Variants in HPS1 observed in about 807,000 individuals in gnomAD.
HPS1 encodes the protein HPS1 biogenesis of lysosomal organelles complex 3 subunit 1.
In HPS1, 59 loss-of-function variants were observed where a neutral mutation model predicts 90.6. The ratio of observed to expected loss-of-function variants is 0.65; its 90% CI spans 0.53 to 0.81. HPS1 has a LOEUF of 0.81. Ranked by LOEUF, HPS1 falls within the 30% of genes least tolerant of loss-of-function variation. The pLI, the probability that HPS1 is intolerant of heterozygous loss-of-function variation, is 0.00. For missense variants in HPS1, 849 were observed against 896.7 expected (o/e 0.95, Z 0.68); for synonymous variants, 388 against 384.4 (o/e 1.01, Z -0.11).
intron 3 of HPS1, among the ~76,000 whole-genome samples, chr10:98,440,387 T>C (rs955964710): frequency 6.6e-6 from 1 of 152,174 alleles, no homozygotes; most frequent in Admixed American, 6.5e-5. Context: ...GCAATATTTA[T>C]GTCCATATGA....
At chr10:98,429,751 C>T in intron 9 of HPS1, 40 bp downstream of exon 9, 2 of 1,613,184 alleles carry the variant, frequency 1.2e-6, no homozygotes, top group Admixed American at 3.3e-5. Context: ...AGAGGCCGAT[C>T]CCCTCCTGCC....
Position 98,435,521 on chromosome 10 carries a change from A to G in HPS1, c.256-107T>C, listed in dbSNP as rs1379856395. 7 of 1,609,150 alleles carry G rather than the reference A, an allele frequency of 4.4e-6. No individual in the cohort carries two copies. The highest frequency in any genetic ancestry group is 8.5e-7 in the Non-Finnish European group (1 of 1,176,066). The stretch of plus-strand genomic sequence containing the variant: ...GAGGCTCGGGTCCCAGGCGGGTTTG[A>G]TAAGATGCCGTTTCTGCCTTCTAAA... On this transcript the variant is annotated intron_variant, in intron 4 of 19. Transcript: ENST00000361490. This position sits in a 1 kb window ranked among gnomAD's most constrained non-coding sequence, Gnocchi z 4.3.
chr10:98,423,386 A>G (rs562846129), intron 16 of HPS1, among the ~76,000 whole-genome samples: 1 of 149,834 alleles, frequency 6.7e-6, no homozygotes, highest in South Asian at 2.2e-4. Context: ...ACTTTGGGAC[A>G]GGAGGAATTC....
chr10:98,433,427 G>A (rs1407847331), intron 6 of HPS1, among the ~76,000 whole-genome samples: 2 of 152,140 alleles, frequency 1.3e-5, no homozygotes, highest in African/African-American at 2.4e-5. Flanking sequence ...GAGTGCTACT[G>A]ACCAGCAGCC....
At position 98,417,945 on chromosome 10, in the gene HPS1, G is replaced by A. The variant is rs530319863; in HGVS notation, c.1941-219C>T. Among the ~76,000 whole-genome samples the A allele has an allele frequency of 2.6e-4, 39 of 152,282 alleles. No individual in the cohort carries two copies. The highest frequency in any genetic ancestry group is 8.4e-4 in the African/African-American group (35 of 41,562). ...GGGATGTTCTGGGCCGGGCACAGAC[G>A]TTCCCCGTGCTGCCAAGACCATGCC... On this transcript the variant is annotated intron_variant, in intron 19 of 19. Coordinates refer to ENST00000361490, the MANE Select transcript of HPS1 (RefSeq NM_000195.5). The surrounding 1 kb of genome is among the most constrained non-coding windows in gnomAD (Gnocchi z 4.2).
rs543769746 is a variant in HPS1, at chr10:98,417,800, C to T, written c.1941-74G>A. The T allele has an allele frequency of 4.4e-5, 63 of 1,421,152 alleles. No individual in the cohort carries two copies. Among genetic ancestry groups the T allele is most frequent in the Non-Finnish European group, 5.9e-5 (60 of 1,010,058 alleles). 88.0% of individuals were successfully genotyped at this position (1,421,152 alleles called of 1,614,324 possible). On this transcript the variant is annotated intron_variant, in intron 19 of 19. Coordinates refer to ENST00000361490, the MANE Select transcript of HPS1 (RefSeq NM_000195.5). This position sits in a 1 kb window ranked among gnomAD's most constrained non-coding sequence, Gnocchi z 4.2. ...CTCCAGCGCCAGAGGCCTCTCTGGG[C>T]CCTCGCAAGCAAATGCCCATGCCCT... is the stretch of plus-strand genomic sequence containing the variant.
At chr10:98,426,745 A>AGTGTGTGTGTGTGT (rs58431822) in intron 11 of HPS1, among the ~76,000 whole-genome samples, 17 of 147,806 alleles carry the variant, frequency 1.2e-4, no homozygotes, top group African/African-American at 4.2e-4. Flanking sequence ...GTACATATGT[A>AGTGTGTGTGTGTGT]GTGTGTGTGT....
rs917295934 is a variant in HPS1 at position 98,435,925 on chromosome 10, G to A, written c.118-153C>T. 6.6e-6 allele frequency among the ~76,000 whole-genome samples: 1 copy of A among 152,180 alleles called. No homozygotes were observed. The highest frequency in any genetic ancestry group is 1.5e-5 in the Non-Finnish European group (1 of 68,036). Reference sequence around the variant, plus strand: ...CCTGGTAGGGAGGGGAGCAAAAAGAGACTGTCCCCAACACTTCGGGTGGTG... The same window carrying A: ...CCTGGTAGGGAGGGGAGCAAAAAGAAACTGTCCCCAACACTTCGGGTGGTG... On this transcript the variant is annotated intron_variant, in intron 3 of 19. Transcript: ENST00000361490. The surrounding 1 kb of genome is among the most constrained non-coding windows in gnomAD (Gnocchi z 4.3).
Position 98,417,326 on chromosome 10 carries a change from T to G in HPS1, c.*238A>C. 1 of 467,634 alleles carries G rather than the reference T, an allele frequency of 2.1e-6. No individual in the cohort carries two copies. Among genetic ancestry groups the G allele is most frequent in the Non-Finnish European group, 3.8e-6 (1 of 263,306 alleles). 29.0% of individuals were successfully genotyped at this position (467,634 alleles called of 1,614,324 possible). A position where few individuals can be genotyped will look rare whatever the true frequency, so the allele number is the denominator to read the frequency against. On this transcript the variant is annotated 3_prime_UTR_variant, in exon 20 of 20. Coordinates refer to ENST00000361490, the MANE Select transcript of HPS1 (RefSeq NM_000195.5). The surrounding 1 kb of genome is among the most constrained non-coding windows in gnomAD (Gnocchi z 4.2). ...GAAGAGGAGCTGTTGCCACCGTTGT[T>G]TTACAAACAGGACCCCTGGGCTTCC...
chr10:98,417,493 G>T lies in HPS1; in HGVS notation c.*71C>A. The T allele has an allele frequency of 7.2e-7, 1 of 1,395,232 alleles. No individual in the cohort carries two copies. Among genetic ancestry groups the T allele is most frequent in the Non-Finnish European group, 9.9e-7 (1 of 1,011,998 alleles). The allele number at this position is 1,395,232 out of a possible 1,614,324, so 86.4% of individuals were successfully genotyped here. On this transcript the variant is annotated 3_prime_UTR_variant, in exon 20 of 20. Transcript: ENST00000361490. The surrounding 1 kb of genome is among the most constrained non-coding windows in gnomAD (Gnocchi z 4.2). Reference sequence around the variant, plus strand: ...TGGCCACTGCAGACAGGAGGCTCTCGTCATGGGGAACAGTGGCAAGCAAGG... The same window carrying T: ...TGGCCACTGCAGACAGGAGGCTCTCTTCATGGGGAACAGTGGCAAGCAAGG...
Position 98,429,811 on chromosome 10 carries a change from C to CA in HPS1, c.846dup (p.Gly283TrpfsTer16), listed in dbSNP as rs1564847101. 3 of 1,613,700 alleles carry CA rather than the reference C, an allele frequency of 1.9e-6. No individual in the cohort carries two copies. Among genetic ancestry groups the CA allele is most frequent in the African/African-American group, 1.3e-5 (1 of 74,946 alleles). ...CACACCGTCTCTGCAGAGCTCCCCC[C>CA]AGTTGGGCCCGTGGAGTGAGGGCTC... On this transcript the variant is annotated frameshift_variant, in exon 9 of 20. Transcript: ENST00000361490. LOFTEE classifies it high-confidence loss of function.
Position 98,439,545 on chromosome 10 carries a change from C to T in HPS1, c.117+3579G>A, listed in dbSNP as rs1938028944. 2.6e-5 allele frequency among the ~76,000 whole-genome samples: 4 copies of T among 152,218 alleles called. No individual in the cohort carries two copies. The South Asian group carries it at 8.3e-4, about 32-fold the overall frequency. Reference sequence around the variant, plus strand: ...GTAGCCCCATAGTTCCAATTTCTCCCATTTGGAATGGGAACATTTACCCAA... The same window carrying T: ...GTAGCCCCATAGTTCCAATTTCTCCTATTTGGAATGGGAACATTTACCCAA... On this transcript the variant is annotated intron_variant, in intron 3 of 19. Transcript: ENST00000361490.
chr10:98,427,307 G>C (rs1360144855), intron 10 of HPS1, 43 bp from the exon 11 acceptor site: 2 of 1,507,796 alleles, frequency 1.3e-6, no homozygotes, highest in African/African-American at 2.8e-5. Context: ...AGTACCATGA[G>C]ATGTAAGCAA....
chr10:98,429,823 T>C lies in HPS1; in HGVS notation c.835A>G (p.Thr279Ala), dbSNP rs541854664. 3.1e-6 allele frequency: 5 copies of C among 1,613,726 alleles called. No homozygotes were observed. Among genetic ancestry groups the C allele is most frequent in the East Asian group, 4.5e-5 (2 of 44,880 alleles). The change falls in exon 9 of 20, where the codon ACG becomes GCG. Residue 279 changes from threonine to alanine, a missense_variant. Physicochemically the swap from Thr to Ala is moderately conservative, Grantham distance 58. Coordinates refer to ENST00000361490, the MANE Select transcript of HPS1 (RefSeq NM_000195.5). ...GCAGAGCTCCCCCCAGTTGGGCCCG[T>C]GGAGTGAGGGCTCCAGGCCTGCTGC... Reference protein sequence around the residue: ...PVQQAWSPHSTGPTGGSSAET... With the variant: ...PVQQAWSPHSAGPTGGSSAET...
intron 10 of HPS1, 76 bp from the exon 11 acceptor site, chr10:98,427,340 G>T: frequency 7.8e-7 from 1 of 1,281,204 alleles, no homozygotes; most frequent in Admixed American, 2.0e-5. Context: ...ATGGGGTAGG[G>T]GGCCCAGGTG....
At chr10:98,430,805 CAATT>C (rs1846340147) in intron 7 of HPS1, 135 bp from the exon 8 acceptor site, 3 of 747,082 alleles carry the variant, frequency 4.0e-6, no homozygotes, top group Admixed American at 2.0e-5. Flanking sequence ...GGCACAAATA[CAATT>C]AATTAACTCG....
chr10:98,420,470 T>C (rs746809151), intron 17 of HPS1: 1 of 361,492 alleles, frequency 2.8e-6, no homozygotes, highest in Non-Finnish European at 5.4e-6. Context: ...TCCTAGCACT[T>C]TGGGAGGCTG....
intron 10 of HPS1, chr10:98,429,193 A>G: frequency 9.6e-7 from 1 of 1,042,872 alleles, no homozygotes; most frequent in Non-Finnish European, 1.2e-6. Context: ...TACTTTGGAG[A>G]AACAAAGTAT....
At chr10:98,423,540 A>C in intron 16 of HPS1, 63 bp downstream of exon 16, 1 of 1,445,758 alleles carries the variant, frequency 6.9e-7, no homozygotes, top group Non-Finnish European at 9.7e-7. Flanking sequence ...TCCAGGGAGC[A>C]GGTGTAGAGG....
Sources: gnomAD v4.1 joint callset for allele counts (sites outside exome capture counted in the v4.1 genomes callset) on GRCh38, gnomAD v4.1.1 for gene constraint, Gnocchi (gnomAD v3.1) non-coding constraint, MANE v1.5 for transcripts, NCBI Gene and HGNC (gene_info 2026-07-23, HGNC 2026-07-21) for gene names.